The following SCAI variants were observed in gnomAD, a reference collection of about 807,000 sequenced individuals.
The protein encoded by SCAI is protein SCAI.
SCAI carries 24 observed loss-of-function variants against 92.2 expected under a neutral mutation model. The observed-to-expected ratio is 0.26, with a 90% CI of 0.19 to 0.37. SCAI has a LOEUF of 0.37. SCAI is among the 10% of genes least tolerant of loss of function. The pLI is 1.00. For missense variants in SCAI, 450 were observed against 736.2 expected (o/e 0.61, Z 4.50); for synonymous variants, 261 against 258.6 (o/e 1.01, Z -0.09).
At chr9:125,032,060 T>C (rs1833083945) in intron 3 of SCAI, among the ~76,000 whole-genome samples, 1 of 151,606 alleles carries the variant, frequency 6.6e-6, no homozygotes, top group Non-Finnish European at 1.5e-5. Context: ...TTAGCACTAT[T>C]TTCAATTAAG....
In SCAI at chr9:124,994,929, C is replaced by T; in HGVS notation, c.1326+5G>A. 6.2e-7 allele frequency: 1 copy of T among 1,607,510 alleles called. No individual in the cohort carries two copies. The highest frequency in any genetic ancestry group is 8.5e-7 in the Non-Finnish European group (1 of 1,175,168). ...TACCTGTGCAATAGCTCTCATGGAACTCACCTTATACGCAACACTATTAGA... is the reference window on the plus strand; with the variant it reads ...TACCTGTGCAATAGCTCTCATGGAATTCACCTTATACGCAACACTATTAGA... On this transcript the variant is annotated splice_donor_5th_base_variant and intron_variant, in intron 14 of 17. Coordinates refer to ENST00000336505, the MANE Select transcript of SCAI (RefSeq NM_001144877.3).
intron 9 of SCAI, among the ~76,000 whole-genome samples, chr9:125,011,611 G>A (rs1167029168): frequency 5.3e-5 from 8 of 152,054 alleles, no homozygotes; most frequent in African/African-American, 1.4e-4. Context: ...AACACTCTGC[G>A]GATATTATCC....
chr9:125,070,150 A>G (rs1445114638), intron 2 of SCAI, among the ~76,000 whole-genome samples: 1 of 152,210 alleles, frequency 6.6e-6, no homozygotes, highest in East Asian at 1.9e-4. Flanking sequence ...CCGAAACAGC[A>G]TAAATTGAAA....
At chr9:125,099,950 C>A (rs1834644819) in intron 2 of SCAI, among the ~76,000 whole-genome samples, 1 of 152,188 alleles carries the variant, frequency 6.6e-6, no homozygotes, top group African/African-American at 2.4e-5. Context: ...CAATGGACAT[C>A]CGGGTTGTGT....
intron 6 of SCAI, among the ~76,000 whole-genome samples, chr9:125,024,979 A>G (rs1334146941): frequency 6.6e-6 from 1 of 152,364 alleles, no homozygotes; most frequent in East Asian, 1.9e-4. Context: ...TTAGCTGTCA[A>G]GACAGTGCAG....
chr9:125,099,294 T>C (rs1452793213), intron 2 of SCAI, among the ~76,000 whole-genome samples: 1 of 152,056 alleles, frequency 6.6e-6, no homozygotes, highest in East Asian at 1.9e-4. Flanking sequence ...TTATCTTTTT[T>C]TTTTTTTTGA....
At chr9:125,077,280 T>C (rs941896727) in intron 2 of SCAI, among the ~76,000 whole-genome samples, 1 of 152,230 alleles carries the variant, frequency 6.6e-6, no homozygotes, top group Non-Finnish European at 1.5e-5. Context: ...CTTTAAGCAG[T>C]AACTGATTGG....
chr9:124,994,447 CT>C (rs995153399), intron 14 of SCAI, among the ~76,000 whole-genome samples: 27 of 152,006 alleles, frequency 1.8e-4, no homozygotes, highest in African/African-American at 6.3e-4. Context: ...TCAGGGCCAT[CT>C]TTTTTTTGTG....
At chr9:125,117,853 A>T (rs1442662308) in intron 2 of SCAI, among the ~76,000 whole-genome samples, 2 of 152,132 alleles carry the variant, frequency 1.3e-5, no homozygotes, top group African/African-American at 2.4e-5. Flanking sequence ...CAAAAATTTT[A>T]CAGAGCAAAA....
At chr9:125,069,341 G>A (rs755003944) in intron 2 of SCAI, among the ~76,000 whole-genome samples, 7 of 150,380 alleles carry the variant, frequency 4.7e-5, no homozygotes, top group African/African-American at 1.7e-4. Context: ...TTTTTGAGAC[G>A]GAGTCTTGCT....
At chr9:124,973,584 G>C in intron 15 of SCAI, among the ~76,000 whole-genome samples, 1 of 152,172 alleles carries the variant, frequency 6.6e-6, no homozygotes, top group Non-Finnish European at 1.5e-5. Context: ...TGTAATCCCA[G>C]CACTTTTGGA....
At chr9:125,136,783 T>C (rs1478023464) in intron 2 of SCAI, among the ~76,000 whole-genome samples, 2 of 143,312 alleles carry the variant, frequency 1.4e-5, no homozygotes, top group Non-Finnish European at 3.0e-5. Flanking sequence ...TTTTTTTTTT[T>C]TTTGAGACGA....
rs947399420 is a variant in SCAI, at chr9:125,091,195, G to A, written c.99-35188C>T. Among the ~76,000 whole-genome samples the A allele has an allele frequency of 4.6e-5, 7 of 152,174 alleles. No individual in the cohort carries two copies. The highest frequency in any genetic ancestry group is 1.0e-4 in the Non-Finnish European group (7 of 68,034). The stretch of plus-strand genomic sequence containing the variant: ...TTCAAAAATGGTGGCAACAGCATCC[G>A]GAACCAGACTCCCCTAGGGGCATGA... On this transcript the variant is annotated intron_variant, in intron 2 of 17. Transcript: ENST00000336505. The surrounding 1 kb of genome is among the most constrained non-coding windows in gnomAD (Gnocchi z 4.3).
In SCAI at chr9:125,138,517, T is replaced by A. The variant is rs1045591138; in HGVS notation, c.98+4116A>T. Among the ~76,000 whole-genome samples, 3 of 151,806 alleles carry A rather than the reference T, an allele frequency of 2.0e-5. No individual in the cohort carries two copies. The East Asian group carries it at 5.8e-4, about 29-fold the overall frequency. ...GCAAGCTTTGCCTCCCGGGTTCACG[T>A]CATTCTCCTGCCTCAGCCTCCTGAG... On this transcript the variant is annotated intron_variant, in intron 2 of 17. Transcript: ENST00000336505.
chr9:125,058,692 T>C (rs1444284996), intron 2 of SCAI, among the ~76,000 whole-genome samples: 1 of 152,150 alleles, frequency 6.6e-6, no homozygotes, highest in African/African-American at 2.4e-5. Flanking sequence ...GTATGAACGT[T>C]TCTAGCACCT....
chr9:124,968,213 C>T (rs749425461), intron 17 of SCAI: 4 of 861,114 alleles, frequency 4.6e-6, no homozygotes, highest in Non-Finnish European at 7.0e-6. Context: ...AAACGAAAAA[C>T]AAAAAAACAG....
chr9:125,119,501 G>C (rs1047676308), intron 2 of SCAI, among the ~76,000 whole-genome samples: 1 of 152,082 alleles, frequency 6.6e-6, no homozygotes, highest in African/African-American at 2.4e-5. Context: ...ATCTATAAAG[G>C]AAGGGGACAC....
In SCAI at chr9:125,136,324, T is replaced by G. The variant is rs150910703; in HGVS notation, c.98+6309A>C. On this transcript the variant is annotated intron_variant, in intron 2 of 17. Transcript: ENST00000336505. Reference sequence around the variant, plus strand: ...TGAGGTTTCACCATGTTGCCCAGACTGGTCTTGAACTCCTGGGCTCACACC... The same window carrying G: ...TGAGGTTTCACCATGTTGCCCAGACGGGTCTTGAACTCCTGGGCTCACACC... Among the ~76,000 whole-genome samples, 293 of 152,086 alleles carry G rather than the reference T, an allele frequency of 1.9e-3. 9 individuals are homozygous for G. In the East Asian group the frequency reaches 0.042, roughly 22 times the overall value.
At chr9:124,959,531 T>C (rs10986496) in intron 17 of SCAI, among the ~76,000 whole-genome samples, 4 of 149,070 alleles carry the variant, frequency 2.7e-5, no homozygotes, top group East Asian at 2.0e-4. Context: ...CACATATATA[T>C]ACACACATAT....
Sources: gnomAD v4.1 joint callset for allele counts (sites outside exome capture counted in the v4.1 genomes callset) on GRCh38, gnomAD v4.1.1 for gene constraint, Gnocchi (gnomAD v3.1) non-coding constraint, MANE v1.5 for transcripts, NCBI Gene and HGNC (gene_info 2026-07-23, HGNC 2026-07-21) for gene names.